LDLRAD4: variants seen among roughly 807,000 people sequenced by gnomAD.
LDLRAD4 encodes low density lipoprotein receptor class A domain containing 4, also known as low-density lipoprotein receptor class A domain-containing protein 4.
LDLRAD4 carries 5 observed loss-of-function variants against 17.0 expected under a neutral mutation model. The observed-to-expected ratio is 0.29, with a 90% CI of 0.15 to 0.62. The LOEUF is 0.62. LDLRAD4 is among the 20% of genes least tolerant of loss of function. The pLI, the probability that LDLRAD4 is intolerant of heterozygous loss-of-function variation, is 0.84. For synonymous variants in LDLRAD4, 168 were observed against 171.8 expected (o/e 0.98, Z 0.17); for missense variants, 340 against 424.7 (o/e 0.80, Z 1.75).
chr18:13,621,074 C>T lies in LDLRAD4; in HGVS notation c.182-43C>T, dbSNP rs1003227422. 2 of 1,613,596 alleles carry T rather than the reference C, an allele frequency of 1.2e-6. No individual in the cohort carries two copies. The highest frequency in any genetic ancestry group is 1.7e-5 in the Admixed American group (1 of 59,994). On this transcript the variant is annotated intron_variant, in intron 3 of 5. Coordinates refer to ENST00000359446, the Ensembl canonical transcript of LDLRAD4. This position sits in a 1 kb window ranked among gnomAD's most constrained non-coding sequence, Gnocchi z 5.5. ...ACAGTGCCTGGAGAATGGGTGGGGA[C>T]TGGAGGGGCCAGGTGGCTAACCACT...
At chr18:13,410,999 C>A (rs1293382728) in intron 2 of LDLRAD4, among the ~76,000 whole-genome samples, 2 of 152,120 alleles carry the variant, frequency 1.3e-5, no homozygotes, top group Non-Finnish European at 2.9e-5. Flanking sequence ...GCCTATAATC[C>A]CAGCACTTTG....
rs117742470 is a variant in LDLRAD4, at chr18:13,225,755, A to G, written c.-467+6767A>G. ...CACTGCTAGAGATGATTAGTAGGTT[A>G]GTAGATTCCAGGTTTATTAATTAAT... On this transcript the variant is annotated intron_variant, in intron 1 of 5. Transcript: ENST00000399848. 3.2e-3 allele frequency among the ~76,000 whole-genome samples: 491 copies of G among 152,370 alleles called. 4 individuals carry two copies. The highest frequency in any genetic ancestry group is 5.1e-3 in the Non-Finnish European group (344 of 68,032).
At chr18:13,570,097 C>A (rs920540765) in intron 3 of LDLRAD4, among the ~76,000 whole-genome samples, 1 of 151,986 alleles carries the variant, frequency 6.6e-6, no homozygotes, top group African/African-American at 2.4e-5. Context: ...AATCATTAGG[C>A]CTTTGAAGGA....
intron 3 of LDLRAD4, among the ~76,000 whole-genome samples, chr18:13,604,480 C>T (rs905498232): frequency 6.6e-6 from 1 of 152,156 alleles, no homozygotes; most frequent in African/African-American, 2.4e-5. Context: ...GCTAATGAAA[C>T]TGGGGTTTCA....
intron 3 of LDLRAD4, among the ~76,000 whole-genome samples, chr18:13,524,527 T>C (rs533521163): frequency 6.6e-6 from 1 of 152,180 alleles, no homozygotes; most frequent in South Asian, 2.1e-4. Context: ...GTCACCTTAT[T>C]ACTAAGAAGG....
chr18:13,527,639 A>G (rs774579837), intron 3 of LDLRAD4, among the ~76,000 whole-genome samples: 7 of 152,320 alleles, frequency 4.6e-5, no homozygotes, highest in South Asian at 4.2e-4. Flanking sequence ...ACTCGGCCAC[A>G]TGCATGGCTA....
At chr18:13,559,771 T>G (rs1054214118) in intron 3 of LDLRAD4, among the ~76,000 whole-genome samples, 16 of 152,154 alleles carry the variant, frequency 1.1e-4, no homozygotes, top group African/African-American at 3.6e-4. Context: ...TTCCAGGACA[T>G]TCGCTAAATC....
rs1020363972 is a variant in LDLRAD4 at position 13,508,776 on chromosome 18, G to T, written c.181+70392G>T. Among the ~76,000 whole-genome samples the T allele has an allele frequency of 3.3e-5, 5 of 152,288 alleles. No homozygotes were observed. In the South Asian group the frequency reaches 6.2e-4, roughly 19 times the overall value. On this transcript the variant is annotated intron_variant, in intron 3 of 5. Transcript: ENST00000359446. The stretch of plus-strand genomic sequence containing the variant: ...AGCTCTGATAGAGACCTACAGAGAG[G>T]TTAATGTTATTTTCATGCCTGCTAA...
At chr18:13,567,276 C>T (rs2148294965) in intron 3 of LDLRAD4, among the ~76,000 whole-genome samples, 1 of 152,330 alleles carries the variant, frequency 6.6e-6, no homozygotes, top group South Asian at 2.1e-4. Context: ...AACACAAGTA[C>T]CTTGCGTCTT....
intron 3 of LDLRAD4, among the ~76,000 whole-genome samples, chr18:13,548,290 TAG>T (rs35534476): frequency 0.48 from 72,392 of 151,926 alleles, 17,399 homozygotes; most frequent in Non-Finnish European, 0.52. Context: ...AAGGTGGGGT[TAG>T]TCACCAGGGA....
chr18:13,234,440 A>C (rs1284362254), intron 1 of LDLRAD4, among the ~76,000 whole-genome samples: 2 of 61,726 alleles, frequency 3.2e-5, no homozygotes, highest in Non-Finnish European at 8.0e-5. Flanking sequence ...GTCCTGGCCC[A>C]GCATCGGGCT....
intron 3 of LDLRAD4, among the ~76,000 whole-genome samples, chr18:13,511,185 G>A (rs1189070565): frequency 6.6e-6 from 1 of 152,120 alleles, no homozygotes; most frequent in African/African-American, 2.4e-5. Flanking sequence ...GAAGGCCTCT[G>A]TCCACTGAGC....
chr18:13,281,395 C>T (rs1159825621), intron 1 of LDLRAD4, among the ~76,000 whole-genome samples: 3 of 152,094 alleles, frequency 2.0e-5, no homozygotes, highest in East Asian at 1.9e-4. Flanking sequence ...TCTCCAATCT[C>T]GCCCTCCACC....
intron 3 of LDLRAD4, among the ~76,000 whole-genome samples, chr18:13,552,696 C>T (rs1409767655): frequency 6.6e-6 from 1 of 152,100 alleles, no homozygotes; most frequent in Non-Finnish European, 1.5e-5. Flanking sequence ...TGTTGTATCC[C>T]GACTTTAGAT....
intron 1 of LDLRAD4, among the ~76,000 whole-genome samples, chr18:13,221,307 T>A (rs2041440738): frequency 6.6e-6 from 1 of 152,210 alleles, no homozygotes; most frequent in Non-Finnish European, 1.5e-5. Flanking sequence ...TTCCTCTCTG[T>A]CTCCTTCCCT....
chr18:13,481,970 G>A (rs190739171), intron 3 of LDLRAD4, among the ~76,000 whole-genome samples: 106 of 152,262 alleles, frequency 7.0e-4, no homozygotes, highest in African/African-American at 2.5e-3. Flanking sequence ...TGGGGCTGGG[G>A]GAGACAGAGT....
chr18:13,487,916 A>G, intron 3 of LDLRAD4: 1 of 151,942 alleles, frequency 6.6e-6, no homozygotes, highest in Non-Finnish European at 1.5e-5. Flanking sequence ...AGCAAGGGGG[A>G]GATGGGAGAG....
intron 2 of LDLRAD4, among the ~76,000 whole-genome samples, chr18:13,432,513 C>G (rs1389115917): frequency 6.6e-6 from 1 of 152,168 alleles, no homozygotes; most frequent in African/African-American, 2.4e-5. Context: ...GTGGCTGTTT[C>G]TGGTTGATTG....
At chr18:13,586,453 TGAGTCACAGCTA>T (rs2094936438) in intron 3 of LDLRAD4, among the ~76,000 whole-genome samples, 3 of 141,224 alleles carry the variant, frequency 2.1e-5, no homozygotes, top group East Asian at 4.2e-4. Context: ...CTGAGGGCTC[TGAGTCACAGCTA>T]CCATTTTACC....
Sources: gnomAD v4.1 joint callset for allele counts (sites outside exome capture counted in the v4.1 genomes callset) on GRCh38, gnomAD v4.1.1 for gene constraint, Gnocchi (gnomAD v3.1) non-coding constraint, MANE v1.5 for transcripts, NCBI Gene and HGNC (gene_info 2026-07-23, HGNC 2026-07-21) for gene names.